Variants in CHCHD3 observed in about 807,000 individuals in gnomAD.
CHCHD3 encodes the protein coiled-coil-helix-coiled-coil-helix domain containing 3, also known as MICOS complex subunit MIC19.
CHCHD3 carries 20 observed loss-of-function variants against 38.2 expected under a neutral mutation model. The ratio of observed to expected loss-of-function variants is 0.52; its 90% CI spans 0.37 to 0.76. The LOEUF is 0.76. Among genes scored for constraint, CHCHD3 ranks in the 30% least tolerant of loss-of-function variants. The probability of loss-of-function intolerance (pLI) is 0.00; values close to 1 mark genes in which losing one functional copy is unlikely to be tolerated. For missense variants in CHCHD3, 245 were observed against 279.2 expected, an observed-to-expected ratio of 0.88 and a Z score of 0.87; for synonymous variants, 82 against 100.0, an observed-to-expected ratio of 0.82 and a Z score of 1.07.
chr7:132,836,555 C>T (rs912116701), intron 6 of CHCHD3, among the ~76,000 whole-genome samples: 1 of 152,170 alleles, frequency 6.6e-6, no homozygotes, highest in East Asian at 1.9e-4. Flanking sequence ...TCATAGCTCA[C>T]TGCAGTCCTG....
At chr7:132,924,797 G>GC (rs1310436681) in intron 4 of CHCHD3, among the ~76,000 whole-genome samples, 1 of 152,152 alleles carries the variant, frequency 6.6e-6, no homozygotes, top group East Asian at 1.9e-4. Context: ...CAAATTTCCA[G>GC]CTCTTTCACC....
At chr7:133,033,265 A>T (rs545061238) in intron 2 of CHCHD3, among the ~76,000 whole-genome samples, 1 of 152,304 alleles carries the variant, frequency 6.6e-6, no homozygotes, top group South Asian at 2.1e-4. Flanking sequence ...AAAACAACTA[A>T]GTTCTCAGCC....
intron 2 of CHCHD3, chr7:133,034,866 A>C: frequency 2.5e-6 from 4 of 1,610,352 alleles, no homozygotes; most frequent in Non-Finnish European, 3.4e-6. Flanking sequence ...ATTCTTCCTC[A>C]GCTTGTCCAG....
chr7:132,882,706 T>G (rs910511687), intron 5 of CHCHD3, among the ~76,000 whole-genome samples: 3 of 152,068 alleles, frequency 2.0e-5, no homozygotes, highest in African/African-American at 7.2e-5. Flanking sequence ...GTGCCTTTTC[T>G]TGAACCTGAC....
intron 5 of CHCHD3, among the ~76,000 whole-genome samples, chr7:132,860,316 A>AAGAGAG (rs60747145): frequency 2.8e-3 from 375 of 134,710 alleles, no homozygotes; most frequent in African/African-American, 6.2e-3. Flanking sequence ...GAGAGAGAGA[A>AAGAGAG]AGAGAGAGAG....
intron 3 of CHCHD3, among the ~76,000 whole-genome samples, chr7:132,983,702 G>A (rs1811981354): frequency 6.6e-6 from 1 of 152,104 alleles, no homozygotes; most frequent in Non-Finnish European, 1.5e-5. Context: ...AGTGATGCTA[G>A]AAGTGCTCCC....
chr7:133,043,375 C>A (rs1411169851), intron 2 of CHCHD3, among the ~76,000 whole-genome samples: 1 of 152,148 alleles, frequency 6.6e-6, no homozygotes, highest in African/African-American at 2.4e-5. Flanking sequence ...GACACGGTGG[C>A]TCACACCTGT....
At chr7:132,926,197 G>T (rs1376389779) in intron 4 of CHCHD3, among the ~76,000 whole-genome samples, 3 of 151,664 alleles carry the variant, frequency 2.0e-5, no homozygotes, top group African/African-American at 7.3e-5. Context: ...CCAAATGAAG[G>T]CCAGAACAAT....
intron 2 of CHCHD3, among the ~76,000 whole-genome samples, chr7:133,046,224 C>T (rs1224082912): frequency 6.6e-6 from 1 of 152,126 alleles, no homozygotes; most frequent in East Asian, 1.9e-4. Flanking sequence ...CCTGGGAATT[C>T]AAGAGATCTG....
chr7:132,862,064 TGATG>T (rs10666936), intron 5 of CHCHD3, among the ~76,000 whole-genome samples: 5,205 of 145,788 alleles, frequency 0.036, 161 homozygotes, highest in African/African-American at 0.083. Flanking sequence ...TAATGTTTGC[TGATG>T]GATGGATGGA....
intron 5 of CHCHD3, among the ~76,000 whole-genome samples, chr7:132,849,929 AG>A (rs1268725537): frequency 5.9e-5 from 9 of 152,160 alleles, no homozygotes; most frequent in Non-Finnish European, 8.8e-5. Flanking sequence ...CCACCATGCC[AG>A]CCTTTTATTA....
Position 133,082,081 on chromosome 7 carries a change from C to G in CHCHD3, c.-144G>C. 4.2e-6 allele frequency: 3 copies of G among 719,260 alleles called. No homozygotes were observed. Among genetic ancestry groups the G allele is most frequent in the Non-Finnish European group, 6.6e-6 (3 of 453,184 alleles). 44.6% of individuals were successfully genotyped at this position (719,260 alleles called of 1,614,324 possible). On this transcript the variant is annotated 5_prime_UTR_variant, in exon 1 of 8. Coordinates refer to ENST00000262570, the MANE Select transcript of CHCHD3 (RefSeq NM_017812.4). ...ACGACCCCCAGAAGCAAGGAGAAGG[C>G]GCCGGTCCTGAGCTCCCGCCTCCTC...
At chr7:132,802,831 C>T (rs1806826574) in intron 6 of CHCHD3, among the ~76,000 whole-genome samples, 1 of 152,020 alleles carries the variant, frequency 6.6e-6, no homozygotes, top group South Asian at 2.1e-4. Context: ...TTTAGAACAA[C>T]CATGTACTCA....
intron 4 of CHCHD3, among the ~76,000 whole-genome samples, chr7:132,917,430 T>C (rs1176436146): frequency 6.6e-6 from 1 of 152,262 alleles, no homozygotes; most frequent in African/African-American, 2.4e-5. Flanking sequence ...ATCTGTATTA[T>C]ACAGCCAAAC....
intron 3 of CHCHD3, among the ~76,000 whole-genome samples, chr7:133,005,374 T>C (rs1812673007): frequency 6.6e-6 from 1 of 152,202 alleles, no homozygotes; most frequent in Non-Finnish European, 1.5e-5. Context: ...CCTATGCATC[T>C]CTTATTAGTG....
chr7:132,952,245 T>G (rs150591514), intron 4 of CHCHD3, among the ~76,000 whole-genome samples: 1 of 152,210 alleles, frequency 6.6e-6, no homozygotes. Context: ...AGCATTAGAA[T>G]GGTGTATTTT....
intron 7 of CHCHD3, among the ~76,000 whole-genome samples, chr7:132,791,658 G>A (rs191758562): frequency 3.7e-4 from 56 of 152,264 alleles, no homozygotes; most frequent in South Asian, 6.2e-4. Flanking sequence ...ACAGTTCACC[G>A]GGGAGATGAA....
intron 4 of CHCHD3, among the ~76,000 whole-genome samples, chr7:132,949,157 A>G (rs987302706): frequency 1.3e-5 from 2 of 152,176 alleles, no homozygotes; most frequent in African/African-American, 4.8e-5. Flanking sequence ...AACTCTTCAT[A>G]TATCTATCTA....
chr7:133,025,104 A>G (rs181726203), intron 2 of CHCHD3, among the ~76,000 whole-genome samples: 1 of 152,332 alleles, frequency 6.6e-6, no homozygotes, highest in African/African-American at 2.4e-5. Flanking sequence ...TTTTTCCATT[A>G]TTTATGAAAA....
Sources: allele counts gnomAD v4.1 joint callset (sites outside exome capture counted in the v4.1 genomes callset), GRCh38; gene constraint gnomAD v4.1.1; transcripts MANE v1.5; gene names NCBI Gene and HGNC (gene_info 2026-07-23, HGNC 2026-07-21).